The following ZNF577 variants were observed in gnomAD, a reference collection of about 807,000 sequenced individuals.
ZNF577 encodes zinc finger protein 577.
In ZNF577, 14 loss-of-function variants were observed where a neutral mutation model predicts 13.9. The ratio of observed to expected loss-of-function variants is 1.00; its 90% CI spans 0.66 to 1.57. The LOEUF is 1.57. Ranked by LOEUF, ZNF577 falls within the 40% of genes most tolerant of loss-of-function variation. The pLI is 0.00. For missense variants in ZNF577, 555 were observed against 579.2 expected, an observed-to-expected ratio of 0.96 and a Z score of 0.43; for synonymous variants, 203 against 202.9, an observed-to-expected ratio of 1.00 and a Z score of 0.00.
chr19:51,818,216 C>T (rs948622774), intron 9 of ZNF577, among the ~76,000 whole-genome samples: 27 of 152,106 alleles, frequency 1.8e-4, no homozygotes, highest in African/African-American at 4.8e-4. Context: ...GAAAAAAGAA[C>T]GCCATGTATC....
chr19:51,825,926 T>C (rs2084229377), intron 9 of ZNF577: 1 of 167,086 alleles, frequency 6.0e-6, no homozygotes, highest in Non-Finnish European at 1.5e-5. Flanking sequence ...TATCTTACCA[T>C]TAAGTAAAAT....
At chr19:51,863,730 G>C (rs1190941056), downstream of ZNF577, among the ~76,000 whole-genome samples, 1 of 152,164 alleles carries the variant, frequency 6.6e-6, no homozygotes, top group African/African-American at 2.4e-5. Flanking sequence ...TAAAGATATT[G>C]ATGAAAACAT....
intron 9 of ZNF577, among the ~76,000 whole-genome samples, chr19:51,823,514 T>C (rs1363527934): frequency 2.0e-5 from 3 of 152,172 alleles, no homozygotes; most frequent in Non-Finnish European, 4.4e-5. Context: ...ATCCTCTTGG[T>C]AATCAGCTTG....
At chr19:51,875,177 T>C (rs2084737467) in intron 5 of ZNF577, among the ~76,000 whole-genome samples, 2 of 151,278 alleles carry the variant, frequency 1.3e-5, no homozygotes, top group African/African-American at 4.9e-5. Context: ...GCCAACATGC[T>C]GAAACCCTGT....
At position 51,872,640 on chromosome 19, in the gene ZNF577, A is replaced by G; in HGVS notation, c.1350T>C (p.Phe450=). ...TCTGTTCAAATTCCTGATTAACTAC[A>G]AAGGCTTGATTTCTTGGAAAAGGTT... ...VEQPFPRNQA[F]VVNQEFEQRI... Residue 450 remains phenylalanine, a synonymous_variant, in exon 6 of 6, where the codon TTT becomes TTC. Coordinates refer to ENST00000638348, the MANE Select transcript of ZNF577 (RefSeq NM_001370449.1). The G allele has an allele frequency of 6.2e-7, 1 of 1,614,198 alleles. No individual in the cohort carries two copies. Among genetic ancestry groups the G allele is most frequent in the Non-Finnish European group, 8.5e-7 (1 of 1,180,026 alleles).
intron 1 of ZNF577, among the ~76,000 whole-genome samples, chr19:51,885,731 C>T (rs752685501): frequency 2.0e-5 from 3 of 152,188 alleles, no homozygotes; most frequent in African/African-American, 4.8e-5. Context: ...ATGTCTCGAA[C>T]TCCTGATCTC....
At chr19:51,829,367 C>T (rs976224619) in intron 9 of ZNF577, among the ~76,000 whole-genome samples, 3 of 151,976 alleles carry the variant, frequency 2.0e-5, no homozygotes, top group African/African-American at 4.8e-5. Context: ...CACCCCCCAC[C>T]CCCCAAGACA....
At chr19:51,882,473 A>G (rs1568451057) in intron 1 of ZNF577, among the ~76,000 whole-genome samples, 2 of 138,254 alleles carry the variant, frequency 1.4e-5, no homozygotes, top group African/African-American at 5.7e-5. Flanking sequence ...AGCCAACAGT[A>G]TCCAATAAAA....
chr19:51,878,261 T>C (rs1378283940), intron 4 of ZNF577, 128 bp downstream of exon 4: 2 of 1,045,648 alleles, frequency 1.9e-6, no homozygotes, highest in African/African-American at 3.2e-5. Context: ...TTATGTTATA[T>C]ATTTTACCAC....
intron 5 of ZNF577, among the ~76,000 whole-genome samples, chr19:51,851,820 G>A (rs1044778446): frequency 5.3e-5 from 8 of 152,226 alleles, no homozygotes; most frequent in East Asian, 3.9e-4. Flanking sequence ...CAACCCTTAC[G>A]TCTGTCATTC....
exon 10 of ZNF577, chr19:51,811,583 A>G (rs1031294673): frequency 3.9e-5 from 6 of 152,340 alleles, no homozygotes; most frequent in Admixed American, 1.3e-4. Flanking sequence ...TCCCGTGTTC[A>G]GACTGTCGCC....
At chr19:51,828,305 T>C (rs2084242157) in intron 9 of ZNF577, among the ~76,000 whole-genome samples, 1 of 151,346 alleles carries the variant, frequency 6.6e-6, no homozygotes, top group African/African-American at 2.4e-5. Flanking sequence ...GAGGTGAAGG[T>C]TGCAATGAGC....
At chr19:51,814,488 T>TTGTC (rs891743126) in intron 9 of ZNF577, among the ~76,000 whole-genome samples, 2 of 151,360 alleles carry the variant, frequency 1.3e-5, no homozygotes, top group African/African-American at 4.9e-5. Flanking sequence ...TTTTTGTTTT[T>TTGTC]TGTTTGTTTT....
rs1393419503 is a variant in ZNF577, at chr19:51,872,893, A to G, written c.1097T>C (p.Met366Thr). 6.2e-7 allele frequency: 1 copy of G among 1,614,216 alleles called. No homozygotes were observed. The highest frequency in any genetic ancestry group is 1.7e-5 in the Admixed American group (1 of 60,026). Residue 366 changes from methionine (M) to threonine (T), a missense_variant, in exon 6 of 6, where the codon ATG becomes ACG. Met to Thr is a moderately conservative substitution (Grantham distance 81). Coordinates refer to ENST00000638348, the MANE Select transcript of ZNF577 (RefSeq NM_001370449.1). ...CRECGKAFAH[M>T]SVLIKHEKTH... ...TTTCTCATGTTTAATGAGGACTGAC[A>G]TGTGGGCAAAGGCTTTGCCACATTC...
chr19:51,832,335 C>A (rs1335331151), intron 9 of ZNF577, among the ~76,000 whole-genome samples: 1 of 151,710 alleles, frequency 6.6e-6, no homozygotes, highest in Non-Finnish European at 1.5e-5. Flanking sequence ...TAAAGCTTAA[C>A]CATAATTTTC....
Position 51,872,281 on chromosome 19 carries a change from T to C in ZNF577, c.*251A>G. On this transcript the variant is annotated 3_prime_UTR_variant, in exon 6 of 6. Transcript: ENST00000638348. ...TTTAGCGCTAAAAGCACCATCACAA[T>C]CTTTCATAAATATTCCTGTAAGAAT... 2.9e-6 allele frequency: 1 copy of C among 349,022 alleles called. No individual in the cohort carries two copies. Among genetic ancestry groups the C allele is most frequent in the African/African-American group, 2.1e-5 (1 of 47,370 alleles). The allele number at this position is 349,022 out of a possible 1,614,324, so 21.6% of individuals were successfully genotyped here.
rs116662359 is a variant in ZNF577 at position 51,887,204 on chromosome 19, G to C, written c.-602C>G. On this transcript the variant is annotated 5_prime_UTR_variant, in exon 1 of 6. Coordinates refer to ENST00000638348, the MANE Select transcript of ZNF577 (RefSeq NM_001370449.1). ...TAATAGAAATCCATCACATGTTCCT[G>C]AAAGTGTTGTATCTAGATCTACATC... 6.6e-6 allele frequency: 1 copy of C among 152,022 alleles called. No individual in the cohort carries two copies. The highest frequency in any genetic ancestry group is 1.5e-5 in the Non-Finnish European group (1 of 68,006). 9.4% of individuals were successfully genotyped at this position (152,022 alleles called of 1,614,324 possible). A position where few individuals can be genotyped will look rare whatever the true frequency, so the allele number is the denominator to read the frequency against.
At chr19:51,879,781 T>C (rs558726643) in intron 3 of ZNF577, among the ~76,000 whole-genome samples, 1 of 152,302 alleles carries the variant, frequency 6.6e-6, no homozygotes, top group South Asian at 2.1e-4. Flanking sequence ...TGTCTTTTGA[T>C]ACAAATGCTT....
chr19:51,859,917 A>C (rs2084478775), intron 5 of ZNF577, among the ~76,000 whole-genome samples: 2 of 152,134 alleles, frequency 1.3e-5, no homozygotes, highest in Admixed American at 6.5e-5. Flanking sequence ...TACAGTCCAC[A>C]ACACAACCCC....
Sources: gnomAD v4.1 joint callset for allele counts (sites outside exome capture counted in the v4.1 genomes callset) on GRCh38, gnomAD v4.1.1 for gene constraint, MANE v1.5 for transcripts, NCBI Gene and HGNC (gene_info 2026-07-23, HGNC 2026-07-21) for gene names.